RBBP7: variants seen among roughly 807,000 people sequenced by gnomAD.
RBBP7 encodes the protein histone-binding protein RBBP7.
RBBP7 carries 5 observed loss-of-function variants against 35.2 expected under a neutral mutation model. The ratio of observed to expected loss-of-function variants is 0.14; its 90% CI spans 0.07 to 0.30. The LOEUF is 0.30. RBBP7 is among the 10% of genes least tolerant of loss of function. The pLI is 1.00. For missense variants in RBBP7, 155 were observed against 327.5 expected, an observed-to-expected ratio of 0.47 and a Z score of 4.07; for synonymous variants, 140 against 118.7, an observed-to-expected ratio of 1.18 and a Z score of -1.17.
At chrX:16,848,840 C>T (rs1930148067) in intron 10 of RBBP7, 1 of 116,589 alleles carries the variant, frequency 8.6e-6, no homozygotes, top group Non-Finnish European at 1.8e-5. Flanking sequence ...CTGCTAACAT[C>T]AAGATTGAGA....
At chrX:16,853,624 C>T in intron 6 of RBBP7, 58 bp downstream of exon 6, 1 of 1,016,515 alleles carries the variant, frequency 9.8e-7, no homozygotes, top group East Asian at 3.5e-5. Context: ...CTGCAGCAAT[C>T]ACTGATGGTC....
intron 1 of RBBP7, chrX:16,869,791 C>T: frequency 1.5e-5 from 14 of 934,316 alleles, no homozygotes; most frequent in Non-Finnish European, 1.9e-5. Flanking sequence ...GGAGCGCAGC[C>T]GCTGGAGGAG....
At chrX:16,860,557 G>T (rs1179800648) in intron 3 of RBBP7, among the ~76,000 whole-genome samples, 1 of 108,401 alleles carries the variant, frequency 9.2e-6, no homozygotes, top group Non-Finnish European at 1.9e-5. Flanking sequence ...GTGTGGTGGC[G>T]GGCGCCTGTA....
intron 3 of RBBP7, 48 bp downstream of exon 3, chrX:16,862,907 G>A (rs1246757263): frequency 8.5e-7 from 1 of 1,169,852 alleles, no homozygotes; most frequent in East Asian, 3.0e-5. Flanking sequence ...TGCTTTGAAA[G>A]AGACATTTTC....
intron 10 of RBBP7, chrX:16,848,978 A>G (rs1314217670): frequency 3.9e-6 from 1 of 257,616 alleles, no homozygotes; most frequent in Admixed American, 6.6e-5. Flanking sequence ...CATCACAAAT[A>G]CCAGAGTTGA....
At chrX:16,853,906 CCCT>C in intron 5 of RBBP7, 64 bp from the exon 6 acceptor site, 1 of 860,559 alleles carries the variant, frequency 1.2e-6, no homozygotes, top group Non-Finnish European at 1.5e-6. Context: ...TTTTTTTTTT[CCCT>C]CGAGACAGTG....
intron 10 of RBBP7, chrX:16,847,992 T>C (rs4828521): frequency 0.5 from 55,866 of 110,672 alleles, 10,754 homozygotes; most frequent in East Asian, 0.85. Flanking sequence ...ACGCTTTCCT[T>C]TCTCCCTAAA....
At chrX:16,857,016 CTAAGTGAAAGAA>C (rs777322217) in intron 5 of RBBP7, among the ~76,000 whole-genome samples, 6 of 110,768 alleles carry the variant, frequency 5.4e-5, no homozygotes, top group Non-Finnish European at 1.1e-4. Context: ...AAACATTATG[CTAAGTGAAAGAA>C]GCCAAACAGA....
At chrX:16,850,743 G>T (rs1036711233) in intron 9 of RBBP7, among the ~76,000 whole-genome samples, 2 of 111,723 alleles carry the variant, frequency 1.8e-5, no homozygotes, top group Admixed American at 9.6e-5. Context: ...TATATAGGTT[G>T]AGCATCCCAA....
At chrX:16,860,113 T>C (rs1265616512) in intron 3 of RBBP7, among the ~76,000 whole-genome samples, 1 of 109,808 alleles carries the variant, frequency 9.1e-6, no homozygotes, top group Non-Finnish European at 1.9e-5. Flanking sequence ...AGACCCCTCC[T>C]GATCCAATCG....
chrX:16,860,287 G>C (rs1299420298), intron 3 of RBBP7, among the ~76,000 whole-genome samples: 3 of 81,624 alleles, frequency 3.7e-5, no homozygotes, highest in Non-Finnish European at 6.7e-5. Flanking sequence ...AAAAAAGGGG[G>C]GGGGGCGGGG....
rs1930704783 is a variant in RBBP7 at position 16,869,233 on chromosome X, G to A, written c.17-13C>T. 1 of 1,199,176 alleles carries A rather than the reference G, an allele frequency of 8.3e-7. No homozygotes were observed. Among genetic ancestry groups the A allele is most frequent in the African/African-American group, 1.8e-5 (1 of 56,666 alleles). On this transcript the variant is annotated splice_polypyrimidine_tract_variant and intron_variant, in intron 1 of 11. Transcript: ENST00000380087. ...GTATCTTCAAACACTGAAATTTGGA[G>A]AAAGCCCACACGATTAAGTGGCTGA...
chrX:16,865,282 T>C (rs1930587531), intron 2 of RBBP7, among the ~76,000 whole-genome samples: 1 of 110,032 alleles, frequency 9.1e-6, no homozygotes, highest in Non-Finnish European at 1.9e-5. Flanking sequence ...AAAAGAGAAA[T>C]AATAATGCTT....
chrX:16,870,022 C>G lies in RBBP7; in HGVS notation c.16+16G>C, dbSNP rs1449321987. 2.2e-6 allele frequency: 2 copies of G among 915,780 alleles called. No individual in the cohort carries two copies. Among genetic ancestry groups the G allele is most frequent in the African/African-American group, 4.3e-5 (2 of 46,794 alleles). 75.5% of individuals were successfully genotyped at this position (915,780 alleles called of 1,213,427 possible). A position where few individuals can be genotyped will look rare whatever the true frequency, so the allele number is the denominator to read the frequency against. Reference sequence around the variant, plus strand: ...CCCCGCGGCCCCGGCGCGCGCCGCCCCGCAGGGCCTCTTACTCTCTTTACT... The same window carrying G: ...CCCCGCGGCCCCGGCGCGCGCCGCCGCGCAGGGCCTCTTACTCTCTTTACT... On this transcript the variant is annotated intron_variant, in intron 1 of 11. Coordinates refer to ENST00000380087, the MANE Select transcript of RBBP7 (RefSeq NM_002893.4).
chrX:16,868,658 T>G (rs746888776), intron 2 of RBBP7, among the ~76,000 whole-genome samples: 3 of 112,795 alleles, frequency 2.7e-5, no homozygotes, highest in Non-Finnish European at 5.6e-5. Context: ...AATTAAAATG[T>G]ATTTATCTTG....
chrX:16,855,135 C>T (rs1484856155), intron 5 of RBBP7, among the ~76,000 whole-genome samples: 1 of 109,347 alleles, frequency 9.1e-6, no homozygotes, highest in Non-Finnish European at 1.9e-5. Flanking sequence ...CTACAACCTC[C>T]GCCTCCCGGG....
Position 16,853,797 on chromosome X carries a change from T to A in RBBP7, c.643A>T (p.Ile215Phe). 1 of 1,177,919 alleles carries A rather than the reference T, an allele frequency of 8.5e-7. No individual in the cohort carries two copies. Among genetic ancestry groups the A allele is most frequent in the Non-Finnish European group, 1.1e-6 (1 of 880,028 alleles). The change falls in exon 6 of 12, where the codon ATT becomes TTT. Residue 215 changes from isoleucine (I) to phenylalanine (F), a missense_variant. This residue lies in a region of RBBP7 where 79 missense variants were observed against 220.8 expected (regional missense o/e 0.36). Transcript: ENST00000380087. ...DINAGPKEGK[I>F]VDAKAIFTGH... The stretch of plus-strand genomic sequence containing the variant: ...GTAAAGATGGCTTTAGCATCCACAA[T>A]TTTGCCTTCTTTTGGTCCTGCGTTT...
At position 16,852,851 on chromosome X, in the gene RBBP7, G is replaced by A; in HGVS notation, c.783C>T (p.Thr261=). 8.3e-7 allele frequency: 1 copy of A among 1,211,809 alleles called. No homozygotes were observed. The highest frequency in any genetic ancestry group is 2.2e-5 in the Admixed American group (1 of 46,033). Residue 261 remains threonine, a synonymous_variant, in exon 7 of 12, where the codon ACC becomes ACT. Transcript: ENST00000380087. ...CATCCACCAAGTGACTCGGCTTGGA[G>A]GTGGTATTGGACCTGGTGTCCCATC... ...LMIWDTRSNT[T]SKPSHLVDAH...
intron 3 of RBBP7, 93 bp downstream of exon 3, chrX:16,862,862 G>A (rs1930508057): frequency 2.0e-6 from 2 of 984,878 alleles, no homozygotes; most frequent in African/African-American, 3.8e-5. Context: ...TTAAATTACT[G>A]GGCCAAAAGC....
Sources: gnomAD v4.1 joint callset for allele counts (sites outside exome capture counted in the v4.1 genomes callset) on GRCh38, gnomAD v4.1.1 for gene constraint, gnomAD v4.1.1 regional missense constraint, MANE v1.5 for transcripts, NCBI Gene and HGNC (gene_info 2026-07-23, HGNC 2026-07-21) for gene names.